Variants in LMX1A observed in about 807,000 individuals in gnomAD.
LMX1A encodes LIM homeobox transcription factor 1-alpha.
A neutral mutation model predicts 49.1 loss-of-function variants in LMX1A; 15 were observed. The ratio of observed to expected loss-of-function variants is 0.31; its 90% CI spans 0.20 to 0.47. LMX1A has a LOEUF of 0.47. Among genes scored for constraint, LMX1A ranks in the 20% least tolerant of loss-of-function variants. The probability of loss-of-function intolerance (pLI) is 1.00; values close to 1 mark genes in which losing one functional copy is unlikely to be tolerated. For missense variants in LMX1A, 372 were observed against 475.8 expected, an observed-to-expected ratio of 0.78 and a Z score of 2.03; for synonymous variants, 167 against 185.7, an observed-to-expected ratio of 0.90 and a Z score of 0.82.
intron 3 of LMX1A, among the ~76,000 whole-genome samples, chr1:165,267,946 A>G (rs1653678720): frequency 6.6e-6 from 1 of 152,212 alleles, no homozygotes; most frequent in African/African-American, 2.4e-5. Flanking sequence ...AGTGACAGAC[A>G]GAGGGGGATC....
intron 4 of LMX1A, among the ~76,000 whole-genome samples, chr1:165,235,619 C>T (rs1652404349): frequency 6.6e-6 from 1 of 152,054 alleles, no homozygotes; most frequent in Non-Finnish European, 1.5e-5. Flanking sequence ...CCTGGGAACG[C>T]GCGGCGGCGC....
At chr1:165,217,729 A>G (rs979124197) in intron 4 of LMX1A, among the ~76,000 whole-genome samples, 1 of 152,210 alleles carries the variant, frequency 6.6e-6, no homozygotes, top group Non-Finnish European at 1.5e-5. Context: ...AAATCCACAT[A>G]TAAGTGGACT....
At chr1:165,320,542 C>G (rs1655355207) in intron 3 of LMX1A, among the ~76,000 whole-genome samples, 1 of 152,184 alleles carries the variant, frequency 6.6e-6, no homozygotes, top group Non-Finnish European at 1.5e-5. Context: ...TATGGGTCTT[C>G]TCAAGGGCAG....
At chr1:165,339,071 A>T (rs1465548223) in intron 3 of LMX1A, among the ~76,000 whole-genome samples, 1 of 152,240 alleles carries the variant, frequency 6.6e-6, no homozygotes, top group African/African-American at 2.4e-5. Context: ...CAAAGAGGTT[A>T]AATGATTTGC....
At chr1:165,333,221 G>A (rs184384455) in intron 3 of LMX1A, among the ~76,000 whole-genome samples, 2 of 152,282 alleles carry the variant, frequency 1.3e-5, no homozygotes, top group Non-Finnish European at 2.9e-5. Flanking sequence ...GCAACGGAGC[G>A]ATCTCGGCTC....
At chr1:165,310,139 T>G (rs1186461578) in intron 3 of LMX1A, among the ~76,000 whole-genome samples, 1 of 152,206 alleles carries the variant, frequency 6.6e-6, no homozygotes, top group Admixed American at 6.5e-5. Context: ...AGTGGCTTGA[T>G]AGTTTTGTAA....
At chr1:165,230,658 G>T (rs535134395) in intron 4 of LMX1A, among the ~76,000 whole-genome samples, 1 of 152,212 alleles carries the variant, frequency 6.6e-6, no homozygotes, top group Non-Finnish European at 1.5e-5. Context: ...ACAGCACAGC[G>T]TCTGAGAATA....
In LMX1A at chr1:165,202,315, G is replaced by A. The variant is rs1207775002; in HGVS notation, c.*1565C>T. 1 of 152,654 alleles carries A rather than the reference G, an allele frequency of 6.6e-6. No individual in the cohort carries two copies. The highest frequency in any genetic ancestry group is 1.5e-5 in the Non-Finnish European group (1 of 68,082). 9.5% of individuals were successfully genotyped at this position (152,654 alleles called of 1,614,324 possible). ...ATACCATCCTAGCACCGCAACTGGA[G>A]ACCAGGGTGTGGAACTGTCCCCATG... On this transcript the variant is annotated 3_prime_UTR_variant, in exon 9 of 9. Coordinates refer to ENST00000342310, the MANE Select transcript of LMX1A (RefSeq NM_177398.4).
chr1:165,259,676 T>C (rs80050627), intron 3 of LMX1A, among the ~76,000 whole-genome samples: 2,063 of 152,114 alleles, frequency 0.014, 48 homozygotes, highest in African/African-American at 0.047. Context: ...ATAATCTACC[T>C]CAGACCACAA....
intron 3 of LMX1A, among the ~76,000 whole-genome samples, chr1:165,274,791 G>A (rs59125460): frequency 6.6e-6 from 1 of 152,132 alleles, no homozygotes; most frequent in Non-Finnish European, 1.5e-5. Context: ...TGAAACACTG[G>A]TGGGAACCCA....
intron 3 of LMX1A, among the ~76,000 whole-genome samples, chr1:165,283,260 C>T (rs1296297534): frequency 6.6e-6 from 1 of 152,190 alleles, no homozygotes; most frequent in African/African-American, 2.4e-5. Context: ...AACATAGAAG[C>T]AATAGGTTCT....
intron 3 of LMX1A, among the ~76,000 whole-genome samples, chr1:165,287,892 T>C (rs1031066989): frequency 4.6e-5 from 7 of 152,242 alleles, no homozygotes; most frequent in Non-Finnish European, 1.0e-4. Context: ...GCTGCTATTG[T>C]GTAAATCAAG....
At chr1:165,229,971 T>C (rs1437398735) in intron 4 of LMX1A, among the ~76,000 whole-genome samples, 3 of 152,204 alleles carry the variant, frequency 2.0e-5, no homozygotes, top group Non-Finnish European at 4.4e-5. Flanking sequence ...TTTTAAAAGG[T>C]TAGGCCTTTG....
intron 3 of LMX1A, among the ~76,000 whole-genome samples, chr1:165,288,720 G>A (rs1048660478): frequency 3.3e-5 from 5 of 152,210 alleles, no homozygotes; most frequent in East Asian, 1.9e-4. Flanking sequence ...GTGTTTGCGC[G>A]CCTGTGCTCA....
At chr1:165,227,181 G>A (rs1652065199) in intron 4 of LMX1A, among the ~76,000 whole-genome samples, 1 of 152,158 alleles carries the variant, frequency 6.6e-6, no homozygotes, top group African/African-American at 2.4e-5. Flanking sequence ...GCAGACAGAA[G>A]CATGGACAGT....
At chr1:165,219,181 G>C (rs1205627815) in intron 4 of LMX1A, 2 of 152,240 alleles carry the variant, frequency 1.3e-5, no homozygotes, top group Admixed American at 6.5e-5. Context: ...CCCAGCCATG[G>C]TTTATGGCTC....
intron 2 of LMX1A, among the ~76,000 whole-genome samples, chr1:165,353,761 C>G (rs1656506089): frequency 6.6e-6 from 1 of 152,160 alleles, no homozygotes; most frequent in South Asian, 2.1e-4. Flanking sequence ...CCTAAAAAGT[C>G]CTGGGGGTAC....
intron 3 of LMX1A, among the ~76,000 whole-genome samples, chr1:165,346,235 G>A (rs957833641): frequency 5.3e-5 from 8 of 152,130 alleles, no homozygotes; most frequent in African/African-American, 1.9e-4. Context: ...AACACAGATC[G>A]ATCTATTGGT....
intron 3 of LMX1A, among the ~76,000 whole-genome samples, chr1:165,282,563 C>G (rs1397481144): frequency 1.3e-5 from 2 of 152,168 alleles, no homozygotes; most frequent in East Asian, 3.9e-4. Flanking sequence ...GATGCAGAAC[C>G]TGTGGCTCTG....
Sources: allele counts gnomAD v4.1 joint callset (sites outside exome capture counted in the v4.1 genomes callset), GRCh38; gene constraint gnomAD v4.1.1; transcripts MANE v1.5; gene names NCBI Gene and HGNC (gene_info 2026-07-23, HGNC 2026-07-21).